The following NEGR1 variants were observed in gnomAD, a reference collection of about 807,000 sequenced individuals.
NEGR1 encodes IgLON family member 4.
Under a neutral mutation model 40.9 loss-of-function variants are expected in NEGR1, and 10 were observed. The observed-to-expected ratio is 0.24, with a 90% CI of 0.15 to 0.42. The LOEUF is 0.42. Among genes scored for constraint, NEGR1 ranks in the 10% least tolerant of loss-of-function variants. The pLI, the probability that NEGR1 is intolerant of heterozygous loss-of-function variation, is 1.00. For missense variants in NEGR1, 352 were observed against 438.9 expected (o/e 0.80, Z 1.77); for synonymous variants, 185 against 166.8 (o/e 1.11, Z -0.84).
intron 1 of NEGR1, among the ~76,000 whole-genome samples, chr1:72,116,582 C>A (rs1229907760): frequency 6.6e-6 from 1 of 151,604 alleles, no homozygotes; most frequent in Non-Finnish European, 1.5e-5. Context: ...TTAATTTAAT[C>A]CCTACTTCAT....
At chr1:71,751,483 C>T (rs1416511441) in intron 3 of NEGR1, among the ~76,000 whole-genome samples, 2 of 152,188 alleles carry the variant, frequency 1.3e-5, no homozygotes, top group Admixed American at 6.5e-5. Context: ...TCACACATTT[C>T]CCCATTGTTT....
intron 1 of NEGR1, among the ~76,000 whole-genome samples, chr1:71,980,763 T>C (rs953758148): frequency 4.6e-5 from 7 of 152,142 alleles, no homozygotes; most frequent in Admixed American, 6.5e-5. Context: ...TAGGTTGTGG[T>C]GTGCCACTTC....
At chr1:72,098,565 T>C (rs1407108710) in intron 1 of NEGR1, among the ~76,000 whole-genome samples, 1 of 152,288 alleles carries the variant, frequency 6.6e-6, no homozygotes, top group Admixed American at 6.5e-5. Context: ...AACTCTGCCC[T>C]GTCCCAACCA....
chr1:72,056,058 A>C (rs569470204), intron 1 of NEGR1, among the ~76,000 whole-genome samples: 2 of 151,114 alleles, frequency 1.3e-5, no homozygotes, highest in South Asian at 4.1e-4. Flanking sequence ...TTCTTGCCAA[A>C]TTGGTAAATC....
At chr1:71,967,282 A>G (rs550180871) in intron 1 of NEGR1, among the ~76,000 whole-genome samples, 12 of 152,256 alleles carry the variant, frequency 7.9e-5, no homozygotes, top group Admixed American at 3.9e-4. Flanking sequence ...TGACGGTGGG[A>G]AAAGTCCATG....
At chr1:71,954,563 A>G (rs1646103295) in intron 1 of NEGR1, among the ~76,000 whole-genome samples, 1 of 152,030 alleles carries the variant, frequency 6.6e-6, no homozygotes, top group Admixed American at 6.6e-5. Context: ...AGAGTTATCA[A>G]TATATTTCCC....
At chr1:72,086,354 A>T (rs1290824900) in intron 1 of NEGR1, among the ~76,000 whole-genome samples, 1 of 152,136 alleles carries the variant, frequency 6.6e-6, no homozygotes, top group Non-Finnish European at 1.5e-5. Context: ...CTGATTTTTT[A>T]CACTATCTAT....
chr1:72,247,898 G>T (rs1375595494), intron 1 of NEGR1, among the ~76,000 whole-genome samples: 1 of 152,130 alleles, frequency 6.6e-6, no homozygotes, highest in Non-Finnish European at 1.5e-5. Flanking sequence ...AAGAAGCATG[G>T]TGCCAACATC....
intron 6 of NEGR1, among the ~76,000 whole-genome samples, chr1:71,497,100 T>G (rs1228429647): frequency 1.3e-5 from 2 of 152,186 alleles, no homozygotes; most frequent in Non-Finnish European, 2.9e-5. Context: ...GGCCACGAGT[T>G]TATTAATATT....
chr1:71,474,621 A>C (rs1569917913), intron 6 of NEGR1, among the ~76,000 whole-genome samples: 2 of 150,040 alleles, frequency 1.3e-5, no homozygotes, highest in Non-Finnish European at 3.0e-5. Context: ...TGAGGCAGGA[A>C]AATTGCTTGA....
chr1:71,491,060 C>T (rs961638929), intron 6 of NEGR1, among the ~76,000 whole-genome samples: 1 of 151,984 alleles, frequency 6.6e-6, no homozygotes, highest in Non-Finnish European at 1.5e-5. Context: ...TCAATTGGCC[C>T]TTCATATTCT....
chr1:71,973,821 GT>G (rs1392012606), intron 1 of NEGR1, among the ~76,000 whole-genome samples: 1 of 152,188 alleles, frequency 6.6e-6, no homozygotes, highest in Non-Finnish European at 1.5e-5. Flanking sequence ...TGGCTTCAGT[GT>G]TGGTGCCTTG....
At chr1:72,185,706 G>A (rs1220466799) in intron 1 of NEGR1, among the ~76,000 whole-genome samples, 3 of 151,842 alleles carry the variant, frequency 2.0e-5, no homozygotes, top group Non-Finnish European at 4.4e-5. Context: ...ATCAGAACCT[G>A]AGTTGAAAAG....
chr1:71,729,004 CTT>C (rs77991010), intron 3 of NEGR1, among the ~76,000 whole-genome samples: 9 of 151,544 alleles, frequency 5.9e-5, no homozygotes, highest in East Asian at 1.9e-4. Flanking sequence ...GAAATGGAAA[CTT>C]TTTTTTTACC....
chr1:72,220,102 C>T (rs1653959888), intron 1 of NEGR1, among the ~76,000 whole-genome samples: 1 of 151,918 alleles, frequency 6.6e-6, no homozygotes, highest in African/African-American at 2.4e-5. Context: ...ATTGATTTTA[C>T]TAATAAACTC....
Position 71,914,265 on chromosome 1 carries a change from G to A in NEGR1, c.409+20814C>T, listed in dbSNP as rs565593590. 2.4e-4 allele frequency among the ~76,000 whole-genome samples: 36 copies of A among 152,212 alleles called. No individual in the cohort carries two copies. In the Middle Eastern group the frequency reaches 0.01, roughly 43 times the overall value. ...TTACTTCAGTGTCTGACTCATCTTGGGGCCAGCTTCTCTATAGACAGAATT... is the reference window on the plus strand; with the variant it reads ...TTACTTCAGTGTCTGACTCATCTTGAGGCCAGCTTCTCTATAGACAGAATT... On this transcript the variant is annotated intron_variant, in intron 2 of 6. Coordinates refer to ENST00000357731, the MANE Select transcript of NEGR1 (RefSeq NM_173808.3).
chr1:72,230,371 G>A (rs1654324817), intron 1 of NEGR1, among the ~76,000 whole-genome samples: 1 of 152,018 alleles, frequency 6.6e-6, no homozygotes, highest in African/African-American at 2.4e-5. Context: ...TAGTACAAAT[G>A]GAATCTATAA....
chr1:71,693,301 G>T (rs1653356396), intron 4 of NEGR1, among the ~76,000 whole-genome samples: 1 of 151,520 alleles, frequency 6.6e-6, no homozygotes, highest in Non-Finnish European at 1.5e-5. Flanking sequence ...TAATTGTGAG[G>T]CAAACCTAAT....
chr1:71,905,068 T>A (rs943265647), intron 2 of NEGR1, among the ~76,000 whole-genome samples: 3 of 152,106 alleles, frequency 2.0e-5, no homozygotes, highest in African/African-American at 7.2e-5. Context: ...AATCAGGGCA[T>A]TTTTCCCCCT....
Sources: gnomAD v4.1 joint callset for allele counts (sites outside exome capture counted in the v4.1 genomes callset) on GRCh38, gnomAD v4.1.1 for gene constraint, MANE v1.5 for transcripts, NCBI Gene and HGNC (gene_info 2026-07-23, HGNC 2026-07-21) for gene names.